Variants in ANK3 observed in about 807,000 individuals in gnomAD.
ANK3 encodes the protein ankyrin-3.
ANK3 carries 57 observed loss-of-function variants against 370.9 expected under a neutral mutation model. The ratio of observed to expected loss-of-function variants is 0.15; its 90% CI spans 0.12 to 0.19. ANK3 has a LOEUF of 0.19. ANK3 is among the 10% of genes least tolerant of loss of function. ANK3 has a pLI of 1.00. For synonymous variants in ANK3, 1,929 were observed against 1,946.3 expected, an observed-to-expected ratio of 0.99 and a Z score of 0.23; for missense variants, 4,439 against 5,302.1, an observed-to-expected ratio of 0.84 and a Z score of 5.06.
Position 60,639,029 on chromosome 10 carries a change from C to A in ANK3, c.58-23805G>T, listed in dbSNP as rs140123902. On this transcript the variant is annotated intron_variant, in intron 1 of 43. Transcript: ENST00000373827. Reference sequence around the variant, plus strand: ...CTATAGATTTTAGAAGTTCAACAAACCCCAAATAGAATAAAAATAAAGAAA... The same window carrying A: ...CTATAGATTTTAGAAGTTCAACAAAACCCAAATAGAATAAAAATAAAGAAA... 2.6e-3 allele frequency among the ~76,000 whole-genome samples: 401 copies of A among 151,808 alleles called. 2 individuals are homozygous for A. Among genetic ancestry groups the A allele is most frequent in the African/African-American group, 9.2e-3 (380 of 41,460 alleles).
chr10:60,466,951 G>A (rs539017237), intron 2 of ANK3, among the ~76,000 whole-genome samples: 1 of 152,146 alleles, frequency 6.6e-6, no homozygotes, highest in Non-Finnish European at 1.5e-5. Context: ...CTGCTAATAG[G>A]AGTAGTGTTC....
chr10:60,059,239 G>T (rs2131927563), intron 41 of ANK3, 101 bp downstream of exon 41: 1 of 995,594 alleles, frequency 1.0e-6, no homozygotes, highest in Non-Finnish European at 1.6e-6. Context: ...CCCAGAACTA[G>T]AATGGTAATT....
chr10:60,347,832 G>T (rs1347767295), intron 1 of ANK3, among the ~76,000 whole-genome samples: 2 of 152,240 alleles, frequency 1.3e-5, no homozygotes, highest in East Asian at 3.9e-4. Flanking sequence ...TTTCCAACAA[G>T]TTCTCAGCTG....
chr10:60,569,940 C>T (rs2077551587), intron 2 of ANK3, among the ~76,000 whole-genome samples: 1 of 152,024 alleles, frequency 6.6e-6, no homozygotes. Context: ...TTGACCACAC[C>T]CTCCCCTGCT....
chr10:60,056,245 G>A (rs2079141261), intron 41 of ANK3, among the ~76,000 whole-genome samples: 1 of 152,222 alleles, frequency 6.6e-6, no homozygotes, highest in South Asian at 2.1e-4. Flanking sequence ...TGAGGCGGGA[G>A]ATCACCTGAG....
chr10:60,324,120 A>G (rs940100198), intron 1 of ANK3, among the ~76,000 whole-genome samples: 1 of 152,204 alleles, frequency 6.6e-6, no homozygotes, highest in African/African-American at 2.4e-5. Flanking sequence ...ACTAATGGGA[A>G]CCACCCACTA....
At chr10:60,189,179 TA>T (rs1565560994) in intron 16 of ANK3, among the ~76,000 whole-genome samples, 1 of 152,154 alleles carries the variant, frequency 6.6e-6, no homozygotes, top group African/African-American at 2.4e-5. Flanking sequence ...TCCTATGTCC[TA>T]AAAAAATGTT....
intron 2 of ANK3, among the ~76,000 whole-genome samples, chr10:60,564,061 A>G (rs1053020192): frequency 6.6e-6 from 1 of 152,200 alleles, no homozygotes; most frequent in Non-Finnish European, 1.5e-5. Context: ...TTCAAAAAAA[A>G]TCATTTCAAA....
Position 60,140,770 on chromosome 10 carries a change from G to A in ANK3, c.2615-1683C>T, listed in dbSNP as rs184384752. On this transcript the variant is annotated intron_variant, in intron 23 of 43. Transcript: ENST00000280772. ...CCCTGAGTTATTTGTATGTAAATAT[G>A]AGGACTGCTCCGGTGTAGACTTTCG... The A allele has an allele frequency of 1.8e-4, 192 of 1,059,648 alleles. 1 individual carries two copies. The highest frequency in any genetic ancestry group is 1.7e-3 in the South Asian group (44 of 25,844). 65.6% of individuals were successfully genotyped at this position (1,059,648 alleles called of 1,614,324 possible).
intron 2 of ANK3, among the ~76,000 whole-genome samples, chr10:60,459,506 A>AT (rs1305822881): frequency 6.6e-6 from 1 of 152,002 alleles, no homozygotes; most frequent in African/African-American, 2.4e-5. Flanking sequence ...TTACTCAGCT[A>AT]TTTTTTTGCA....
intron 25 of ANK3, among the ~76,000 whole-genome samples, chr10:60,122,325 C>A (rs73261135): frequency 0.041 from 6,188 of 152,318 alleles, 396 homozygotes; most frequent in African/African-American, 0.14. Context: ...GTCTCCTCTT[C>A]TCTCCAAAGC....
intron 26 of ANK3, among the ~76,000 whole-genome samples, chr10:60,113,144 A>G (rs1339941745): frequency 2.6e-5 from 4 of 151,388 alleles, no homozygotes; most frequent in Non-Finnish European, 5.9e-5. Flanking sequence ...TGAGGAGGCT[A>G]CTCGGTGTGG....
chr10:60,187,450 C>T (rs945428491), intron 16 of ANK3, among the ~76,000 whole-genome samples: 12 of 152,076 alleles, frequency 7.9e-5, no homozygotes, highest in African/African-American at 9.7e-5. Context: ...TCACTGCGCC[C>T]GGCTTAATAT....
chr10:60,104,014 C>G (rs1041916355), intron 28 of ANK3, among the ~76,000 whole-genome samples: 1 of 152,068 alleles, frequency 6.6e-6, no homozygotes, highest in African/African-American at 2.4e-5. Flanking sequence ...CATATTCTCA[C>G]TTATAAGTGG....
At chr10:60,721,814 G>C (rs772879179) in intron 1 of ANK3, among the ~76,000 whole-genome samples, 2 of 152,154 alleles carry the variant, frequency 1.3e-5, no homozygotes, top group Non-Finnish European at 2.9e-5. Flanking sequence ...GTTTAGTGGA[G>C]GTTCTGCAAA....
chr10:60,513,183 T>C (rs2076132052), intron 2 of ANK3, among the ~76,000 whole-genome samples: 1 of 152,130 alleles, frequency 6.6e-6, no homozygotes, highest in African/African-American at 2.4e-5. Flanking sequence ...TTCTAGCATC[T>C]AAAATAGTGA....
At position 60,334,845 on chromosome 10, in the gene ANK3, G is replaced by A. The variant is rs147539531; in HGVS notation, c.114+54580C>T. On this transcript the variant is annotated intron_variant, in intron 1 of 43. Coordinates refer to ENST00000280772, the MANE Select transcript of ANK3 (RefSeq NM_020987.5). The stretch of plus-strand genomic sequence containing the variant: ...TTTATTATTAAACTGGACTCCATGG[G>A]ACAAATTCAGGAGATTCATGAACCT... Among the ~76,000 whole-genome samples the A allele has an allele frequency of 1.7e-4, 26 of 152,190 alleles. No individual in the cohort carries two copies. The East Asian group carries it at 4.4e-3, about 26-fold the overall frequency.
chr10:60,433,523 G>A (rs1342787179), intron 2 of ANK3, among the ~76,000 whole-genome samples: 1 of 152,076 alleles, frequency 6.6e-6, no homozygotes, highest in Admixed American at 6.5e-5. Flanking sequence ...AATCCAGGAG[G>A]CAGAGGTTGC....
chr10:60,568,820 G>T (rs1465880443), intron 2 of ANK3, among the ~76,000 whole-genome samples: 4 of 152,054 alleles, frequency 2.6e-5, no homozygotes, highest in African/African-American at 9.7e-5. Flanking sequence ...TAAGGATGAG[G>T]TCCTAATATG....
Sources: gnomAD v4.1 joint callset for allele counts (sites outside exome capture counted in the v4.1 genomes callset) on GRCh38, gnomAD v4.1.1 for gene constraint, MANE v1.5 for transcripts, NCBI Gene and HGNC (gene_info 2026-07-23, HGNC 2026-07-21) for gene names.